The following SIX4 variants were observed in gnomAD, a reference collection of about 807,000 sequenced individuals.
SIX4 encodes the protein SIX homeobox 4.
Under a neutral mutation model 51.5 loss-of-function variants are expected in SIX4, and 23 were observed. The observed-to-expected ratio is 0.45, with a 90% CI of 0.32 to 0.63. SIX4 has a LOEUF of 0.63. Among genes scored for constraint, SIX4 ranks in the 30% least tolerant of loss-of-function variants. The pLI is 0.04. For missense variants in SIX4, 867 were observed against 984.0 expected, an observed-to-expected ratio of 0.88 and a Z score of 1.59; for synonymous variants, 413 against 417.3, an observed-to-expected ratio of 0.99 and a Z score of 0.13.
chr14:60,719,562 A>C lies in SIX4; in HGVS notation c.1549+198T>G, dbSNP rs1381652970. Among the ~76,000 whole-genome samples, 1 of 152,204 alleles carries C rather than the reference A, an allele frequency of 6.6e-6. No individual in the cohort carries two copies. Among genetic ancestry groups the C allele is most frequent in the Non-Finnish European group, 1.5e-5 (1 of 68,048 alleles). ...AGTAAAATAAAAGCCCATCCTCATGATGCAAGGGAATAAAGCAACCTGGAT... is the reference window on the plus strand; with the variant it reads ...AGTAAAATAAAAGCCCATCCTCATGCTGCAAGGGAATAAAGCAACCTGGAT... On this transcript the variant is annotated intron_variant, in intron 2 of 2. Transcript: ENST00000216513. This position sits in a 1 kb window ranked among gnomAD's most constrained non-coding sequence, Gnocchi z 4.9.
intron 2 of SIX4, among the ~76,000 whole-genome samples, chr14:60,715,145 A>G (rs963847351): frequency 4.6e-5 from 7 of 152,134 alleles, no homozygotes; most frequent in Admixed American, 2.0e-4. Context: ...GAAAAAAAAA[A>G]AATCTTTTCC....
Position 60,719,078 on chromosome 14 carries a change from T to A in SIX4, c.1549+682A>T, listed in dbSNP as rs1004828218. On this transcript the variant is annotated intron_variant, in intron 2 of 2. Transcript: ENST00000216513. This position sits in a 1 kb window ranked among gnomAD's most constrained non-coding sequence, Gnocchi z 4.9. ...GAAGAACTAATATATCAGCCTCAGT[T>A]TTCCTGAATTTCATTTAAGTGCTTT... Among the ~76,000 whole-genome samples, 4 of 152,206 alleles carry A rather than the reference T, an allele frequency of 2.6e-5. No homozygotes were observed. Among genetic ancestry groups the A allele is most frequent in the Non-Finnish European group, 4.4e-5 (3 of 68,032 alleles).
intron 2 of SIX4, chr14:60,718,013 A>T (rs940148163): frequency 3.1e-5 from 7 of 226,472 alleles, no homozygotes; most frequent in South Asian, 1.1e-4. Context: ...CTCCGCCTAA[A>T]AATAATAATA....
Position 60,721,298 on chromosome 14 carries a change from T to C in SIX4, c.864-853A>G, listed in dbSNP as rs113880376. ...CAAATCGGGGTTGGGGGGTGGGTAG[T>C]GATGGGGTTTCCCATTTGGTCTGAG... On this transcript the variant is annotated intron_variant, in intron 1 of 2. Transcript: ENST00000216513. Among the ~76,000 whole-genome samples the C allele has an allele frequency of 8.4e-4, 127 of 151,980 alleles. 1 individual carries two copies. The highest frequency in any genetic ancestry group is 3.0e-3 in the African/African-American group (123 of 41,450).
chr14:60,723,235 G>A lies in SIX4; in HGVS notation c.840C>T (p.Asn280=), dbSNP rs1594701729. The change falls in exon 1 of 3, where the codon AAC becomes AAT. Residue 280 remains asparagine (N), a synonymous_variant. Coordinates refer to ENST00000216513, the MANE Select transcript of SIX4 (RefSeq NM_017420.5). ...WFKNRRQRDR[N]PSETQSKSES... ...ACCTTTTGGACTGGGTCTCGGAGGG[G>A]TTCCTGTCGCGCTGCCGGCGGTTCT... is the stretch of plus-strand genomic sequence containing the variant. The A allele has an allele frequency of 1.9e-6, 3 of 1,612,794 alleles. No individual in the cohort carries two copies. The highest frequency in any genetic ancestry group is 8.5e-7 in the Non-Finnish European group (1 of 1,179,682).
rs1250775025 is a variant in SIX4, at chr14:60,717,470, G to A, written c.1549+2290C>T. Among the ~76,000 whole-genome samples the A allele has an allele frequency of 6.6e-6, 1 of 152,190 alleles. No individual in the cohort carries two copies. Among genetic ancestry groups the A allele is most frequent in the Non-Finnish European group, 1.5e-5 (1 of 68,036 alleles). On this transcript the variant is annotated intron_variant, in intron 2 of 2. Transcript: ENST00000216513. The surrounding 1 kb of genome is among the most constrained non-coding windows in gnomAD (Gnocchi z 4.6). ...TATGTTTATGAAATTGTTTGCCAATGTATGCATGAACAAAATGATTAGTTA... is the reference window on the plus strand; with the variant it reads ...TATGTTTATGAAATTGTTTGCCAATATATGCATGAACAAAATGATTAGTTA...
At chr14:60,718,013 A>AAATAAT (rs370845559) in intron 2 of SIX4, 111 of 226,558 alleles carry the variant, frequency 4.9e-4, no homozygotes, top group Non-Finnish European at 7.4e-4. Context: ...CTCCGCCTAA[A>AAATAAT]AATAATAATA....
Position 60,720,930 on chromosome 14 carries a change from C to T in SIX4, c.864-485G>A. 1 of 984,952 alleles carries T rather than the reference C, an allele frequency of 1.0e-6. No homozygotes were observed. Among genetic ancestry groups the T allele is most frequent in the Non-Finnish European group, 1.2e-6 (1 of 829,060 alleles). The allele number at this position is 984,952 out of a possible 1,614,324, so 61.0% of individuals were successfully genotyped here. The stretch of plus-strand genomic sequence containing the variant: ...CCAAAGGAGCAGGAGGTAGGAAGTG[C>T]TCAGCTTTTCTTTTTTGGTCAGTTA... On this transcript the variant is annotated intron_variant, in intron 1 of 2. Transcript: ENST00000216513. This position sits in a 1 kb window ranked among gnomAD's most constrained non-coding sequence, Gnocchi z 5.5.
chr14:60,718,878 CT>C, intron 2 of SIX4, among the ~76,000 whole-genome samples: 1 of 152,270 alleles, frequency 6.6e-6, no homozygotes, highest in African/African-American at 2.4e-5. Context: ...ACAATTACTA[CT>C]TTGGTTTTGT....
rs1896079886 is a variant in SIX4, at chr14:60,723,678, G to A, written c.397C>T (p.Leu133=). 1.3e-6 allele frequency: 2 copies of A among 1,577,756 alleles called. No individual in the cohort carries two copies. Among genetic ancestry groups the A allele is most frequent in the Non-Finnish European group, 1.7e-6 (2 of 1,163,336 alleles). The change falls in exon 1 of 3, where the codon CTG becomes TTG. Residue 133 remains leucine (L), a synonymous_variant. Transcript: ENST00000216513. ...GGNLDRLARF[L]WSLPQSDLLR... Reference sequence around the variant, plus strand: ...AGGTCGCTCTGGGGCAGGGACCACAGGAACCGGGCCAGGCGGTCCAGGTTG... The same window carrying A: ...AGGTCGCTCTGGGGCAGGGACCACAAGAACCGGGCCAGGCGGTCCAGGTTG...
At position 60,714,247 on chromosome 14, in the gene SIX4, G is replaced by T. The variant is rs569194654; in HGVS notation, c.1550-44C>A. On this transcript the variant is annotated intron_variant, in intron 2 of 2. Coordinates refer to ENST00000216513, the MANE Select transcript of SIX4 (RefSeq NM_017420.5). Reference sequence around the variant, plus strand: ...TGATTATCACTGATGGAAGTGAGAGGGAAAGAAAAAAAGTTACACACACGT... The same window carrying T: ...TGATTATCACTGATGGAAGTGAGAGTGAAAGAAAAAAAGTTACACACACGT... The T allele has an allele frequency of 2.0e-6, 3 of 1,488,618 alleles. No individual in the cohort carries two copies. In the South Asian group the frequency reaches 4.2e-5, roughly 21 times the overall value. The allele number at this position is 1,488,618 out of a possible 1,614,324, so 92.2% of individuals were successfully genotyped here.
rs759527093 is a variant in SIX4, at chr14:60,719,019, T to G, written c.1549+741A>C. ...CATTTCTATTTCTTTAAAGAGAAAA[T>G]GACATAGAGGATCCAGGCTTGCTTA... On this transcript the variant is annotated intron_variant, in intron 2 of 2. Transcript: ENST00000216513. This position sits in a 1 kb window ranked among gnomAD's most constrained non-coding sequence, Gnocchi z 4.9. 3.3e-5 allele frequency among the ~76,000 whole-genome samples: 5 copies of G among 152,150 alleles called. No individual in the cohort carries two copies. Among genetic ancestry groups the G allele is most frequent in the Non-Finnish European group, 5.9e-5 (4 of 68,020 alleles).
At position 60,713,701 on chromosome 14, in the gene SIX4, G is replaced by A. The variant is rs1272927374; in HGVS notation, c.2052C>T (p.Ala684=). 2 of 1,614,214 alleles carry A rather than the reference G, an allele frequency of 1.2e-6. No homozygotes were observed. The highest frequency in any genetic ancestry group is 1.7e-6 in the Non-Finnish European group (2 of 1,180,040). The change falls in exon 3 of 3, where the codon GCC becomes GCT. Residue 684 remains alanine, a synonymous_variant. Transcript: ENST00000216513. ...DLLSVPMTQA[A]LGEIVPTAED... ...CAGCTGTAGGAACTATTTCCCCAAG[G>A]GCAGCCTGAGTCATAGGGACTGACA... is the stretch of plus-strand genomic sequence containing the variant.
At chr14:60,716,193 C>T (rs958659889) in intron 2 of SIX4, among the ~76,000 whole-genome samples, 5 of 151,116 alleles carry the variant, frequency 3.3e-5, no homozygotes, top group African/African-American at 7.3e-5. Context: ...CAATCCCTCC[C>T]ACTTCAGCCT....
Position 60,724,211 on chromosome 14 carries a change from C to A in SIX4, c.-137G>T, listed in dbSNP as rs773819973. The A allele has an allele frequency of 3.2e-6, 5 of 1,558,256 alleles. No individual in the cohort carries two copies. The highest frequency in any genetic ancestry group is 4.3e-6 in the Non-Finnish European group (5 of 1,158,466). On this transcript the variant is annotated 5_prime_UTR_variant, in exon 1 of 3. Transcript: ENST00000216513. Reference sequence around the variant, plus strand: ...AAGCCCACTCCCTCCCTCCTGGTTTCGGCTGTATCTGGCCGATCAGGTTTC... The same window carrying A: ...AAGCCCACTCCCTCCCTCCTGGTTTAGGCTGTATCTGGCCGATCAGGTTTC...
rs1895815699 is a variant in SIX4 at position 60,711,268 on chromosome 14, A to C, written c.*2139T>G. ...CTGACTTTGTAAAACAAAACAAAAA[A>C]CATGTAGCTTCAGCAGTTTAGGAAC... On this transcript the variant is annotated 3_prime_UTR_variant, in exon 3 of 3. Transcript: ENST00000216513. 1 of 152,384 alleles carries C rather than the reference A, an allele frequency of 6.6e-6. No homozygotes were observed. Among genetic ancestry groups the C allele is most frequent in the South Asian group, 2.1e-4 (1 of 4,834 alleles). 9.4% of individuals were successfully genotyped at this position (152,384 alleles called of 1,614,324 possible). A position where few individuals can be genotyped will look rare whatever the true frequency, so the allele number is the denominator to read the frequency against.
In SIX4 at chr14:60,722,979, A is replaced by T; in HGVS notation, c.863+233T>A. The stretch of plus-strand genomic sequence containing the variant: ...GGGACTGAGACCTAGGCGGGCGACC[A>T]GAAACTTCTGGGGGGAGAGGGGGAG... On this transcript the variant is annotated intron_variant, in intron 1 of 2. Transcript: ENST00000216513. The surrounding 1 kb of genome is among the most constrained non-coding windows in gnomAD (Gnocchi z 5.9). 1 of 749,198 alleles carries T rather than the reference A, an allele frequency of 1.3e-6. No homozygotes were observed. Among genetic ancestry groups the T allele is most frequent in the Non-Finnish European group, 1.9e-6 (1 of 514,258 alleles). The allele number at this position is 749,198 out of a possible 1,614,324, so 46.4% of individuals were successfully genotyped here. A position where few individuals can be genotyped will look rare whatever the true frequency, so the allele number is the denominator to read the frequency against.
In SIX4 at chr14:60,710,390, T is replaced by C. The variant is rs145554153; in HGVS notation, c.*3017A>G. On this transcript the variant is annotated 3_prime_UTR_variant, in exon 3 of 3. Transcript: ENST00000216513. ...GTACAACACAGGTGCTCTTGCTTGA[T>C]TGAGGAACAAATGCACCTTCTCTTT... 9.2e-5 allele frequency: 14 copies of C among 152,682 alleles called. No individual in the cohort carries two copies. The highest frequency in any genetic ancestry group is 3.1e-4 in the African/African-American group (13 of 41,504). The allele number at this position is 152,682 out of a possible 1,614,324, so 9.5% of individuals were successfully genotyped here.
chr14:60,713,323 T>G lies in SIX4; in HGVS notation c.*84A>C. 1.4e-6 allele frequency: 2 copies of G among 1,444,596 alleles called. No homozygotes were observed. The highest frequency in any genetic ancestry group is 1.9e-6 in the Non-Finnish European group (2 of 1,077,562). The allele number at this position is 1,444,596 out of a possible 1,614,324, so 89.5% of individuals were successfully genotyped here. Reference sequence around the variant, plus strand: ...CTTGCAAAACTAGAGTGTTTTCCTTTAAATGGGAAAATGTTTTGTGTCCTT... The same window carrying G: ...CTTGCAAAACTAGAGTGTTTTCCTTGAAATGGGAAAATGTTTTGTGTCCTT... On this transcript the variant is annotated 3_prime_UTR_variant, in exon 3 of 3. Transcript: ENST00000216513.
Sources: gnomAD v4.1 joint callset for allele counts (sites outside exome capture counted in the v4.1 genomes callset) on GRCh38, gnomAD v4.1.1 for gene constraint, Gnocchi (gnomAD v3.1) non-coding constraint, MANE v1.5 for transcripts, NCBI Gene and HGNC (gene_info 2026-07-23, HGNC 2026-07-21) for gene names.